GRM8: variants seen among roughly 807,000 people sequenced by gnomAD.
The protein encoded by GRM8 is glutamate metabotropic receptor 8.
A neutral mutation model predicts 87.2 loss-of-function variants in GRM8; 47 were observed. That is an observed-to-expected ratio of 0.54 (90% CI 0.43 to 0.69). GRM8 has a LOEUF of 0.69. Among genes scored for constraint, GRM8 ranks in the 30% least tolerant of loss-of-function variants. GRM8 has a pLI of 0.00. For synonymous variants in GRM8, 396 were observed against 404.5 expected (o/e 0.98, Z 0.25); for missense variants, 1,019 against 1,139.2 (o/e 0.89, Z 1.52).
chr7:127,107,733 G>T (rs1436037787), intron 2 of GRM8, among the ~76,000 whole-genome samples: 1 of 152,188 alleles, frequency 6.6e-6, no homozygotes, highest in Admixed American at 6.5e-5. Flanking sequence ...CTACAGTGTA[G>T]ACAGATGATT....
At chr7:126,911,112 A>C (rs905903016) in intron 3 of GRM8, among the ~76,000 whole-genome samples, 9 of 152,328 alleles carry the variant, frequency 5.9e-5, no homozygotes, top group South Asian at 2.1e-4. Context: ...CTTGACATTC[A>C]GCCCTAAAAC....
intron 3 of GRM8, among the ~76,000 whole-genome samples, chr7:127,041,529 C>T (rs1818429991): frequency 1.3e-5 from 2 of 152,124 alleles, no homozygotes; most frequent in Non-Finnish European, 2.9e-5. Flanking sequence ...GTATTCTCTA[C>T]CATTTAAGAG....
At chr7:127,098,085 T>C (rs7778276) in intron 3 of GRM8, among the ~76,000 whole-genome samples, 68,398 of 152,030 alleles carry the variant, frequency 0.45, 16,957 homozygotes, top group African/African-American at 0.67. Flanking sequence ...AGTATCACTG[T>C]ACCTGCAGTT....
intron 9 of GRM8, among the ~76,000 whole-genome samples, chr7:126,498,313 T>C (rs931816855): frequency 6.6e-6 from 1 of 152,046 alleles, no homozygotes; most frequent in Non-Finnish European, 1.5e-5. Context: ...TCATGCATGA[T>C]AAACTGTGTG....
chr7:126,863,989 T>C (rs1412917109), intron 6 of GRM8, among the ~76,000 whole-genome samples: 6 of 150,224 alleles, frequency 4.0e-5, no homozygotes, highest in African/African-American at 1.2e-4. Flanking sequence ...TATAAACATA[T>C]ACAAATATAT....
At chr7:127,172,218 GATT>G (rs921761605) in intron 2 of GRM8, among the ~76,000 whole-genome samples, 1 of 151,948 alleles carries the variant, frequency 6.6e-6, no homozygotes, top group African/African-American at 2.4e-5. Context: ...TTATTCTTGT[GATT>G]ATTTAATAAA....
At chr7:126,567,420 A>AG (rs1311136846) in intron 8 of GRM8, among the ~76,000 whole-genome samples, 3 of 99,364 alleles carry the variant, frequency 3.0e-5, no homozygotes, top group Admixed American at 1.2e-4. Flanking sequence ...GGGTAGGGGG[A>AG]GGGGGGAGGG....
At chr7:127,035,672 G>C (rs996125357) in intron 3 of GRM8, among the ~76,000 whole-genome samples, 2 of 152,152 alleles carry the variant, frequency 1.3e-5, no homozygotes, top group African/African-American at 4.8e-5. Flanking sequence ...ATCAGTCAAT[G>C]GTGTGGCAAC....
intron 7 of GRM8, among the ~76,000 whole-genome samples, chr7:126,670,051 AT>A (rs1806222953): frequency 6.6e-6 from 1 of 152,206 alleles, no homozygotes; most frequent in Non-Finnish European, 1.5e-5. Context: ...TAAAATGCTA[AT>A]CTGCTCCTTA....
At chr7:126,492,957 T>C (rs928252451) in intron 9 of GRM8, among the ~76,000 whole-genome samples, 2 of 152,034 alleles carry the variant, frequency 1.3e-5, no homozygotes, top group Admixed American at 1.3e-4. Flanking sequence ...AACATATCAG[T>C]ATGGGCACCA....
chr7:127,126,558 C>T (rs1827384356), intron 2 of GRM8, among the ~76,000 whole-genome samples: 9 of 151,840 alleles, frequency 5.9e-5, no homozygotes. Context: ...CACTAAAAGC[C>T]AAGACTTCAC....
At chr7:126,724,406 C>G (rs1314403806) in intron 7 of GRM8, among the ~76,000 whole-genome samples, 1 of 152,050 alleles carries the variant, frequency 6.6e-6, no homozygotes, top group Non-Finnish European at 1.5e-5. Flanking sequence ...CAGGAAAACT[C>G]GAGGCCCTAG....
chr7:126,850,507 T>C (rs757420619), intron 6 of GRM8, among the ~76,000 whole-genome samples: 41 of 152,136 alleles, frequency 2.7e-4, no homozygotes, highest in Admixed American at 1.3e-3. Context: ...GTAACCATGA[T>C]AGTTTTAGTA....
At chr7:126,971,194 T>C (rs1046312735) in intron 3 of GRM8, among the ~76,000 whole-genome samples, 1 of 132,654 alleles carries the variant, frequency 7.5e-6, no homozygotes, top group African/African-American at 2.8e-5. Flanking sequence ...ACACTATCTG[T>C]AAAGTACAAT....
chr7:126,803,452 T>A (rs935605816), intron 6 of GRM8, among the ~76,000 whole-genome samples: 16 of 152,162 alleles, frequency 1.1e-4, no homozygotes, highest in African/African-American at 3.9e-4. Flanking sequence ...AGAAAGGTAA[T>A]GAGAAGCAAG....
intron 3 of GRM8, among the ~76,000 whole-genome samples, chr7:127,097,514 T>C (rs1824782694): frequency 6.6e-6 from 1 of 152,208 alleles, no homozygotes; most frequent in Admixed American, 6.5e-5. Flanking sequence ...AAAAACCCTC[T>C]GCTATTTCAA....
intron 2 of GRM8, among the ~76,000 whole-genome samples, chr7:127,160,593 C>T (rs1793044597): frequency 1.3e-5 from 2 of 152,042 alleles, no homozygotes; most frequent in Admixed American, 1.3e-4. Context: ...AAATCCTGCA[C>T]CCTCACATCA....
chr7:126,991,978 G>A (rs925680988), intron 3 of GRM8, among the ~76,000 whole-genome samples: 1 of 151,868 alleles, frequency 6.6e-6, no homozygotes, highest in Non-Finnish European at 1.5e-5. Flanking sequence ...TTTAAGCTAT[G>A]GAATCTGAAA....
At chr7:126,841,352 T>C (rs955252216) in intron 6 of GRM8, among the ~76,000 whole-genome samples, 2 of 152,118 alleles carry the variant, frequency 1.3e-5, no homozygotes, top group African/African-American at 4.8e-5. Flanking sequence ...TTGGTGGTAA[T>C]GGCTAGAAGA....
Sources: gnomAD v4.1 joint callset for allele counts (sites outside exome capture counted in the v4.1 genomes callset) on GRCh38, gnomAD v4.1.1 for gene constraint, MANE v1.5 for transcripts, NCBI Gene and HGNC (gene_info 2026-07-23, HGNC 2026-07-21) for gene names.